USP1: variants seen among roughly 807,000 people sequenced by gnomAD.
USP1 encodes the protein ubiquitin carboxyl-terminal hydrolase 1.
In USP1, 18 loss-of-function variants were observed where a neutral mutation model predicts 72.2. That is an observed-to-expected ratio of 0.25 (90% CI 0.17 to 0.37). The LOEUF is 0.37. Among genes scored for constraint, USP1 ranks in the 10% least tolerant of loss-of-function variants. The probability of loss-of-function intolerance (pLI) is 1.00; values close to 1 mark genes in which losing one functional copy is unlikely to be tolerated. For synonymous variants in USP1, 354 were observed against 303.7 expected (o/e 1.17, Z -1.72); for missense variants, 759 against 884.9 (o/e 0.86, Z 1.81).
At chr1:62,446,813 TA>T (rs1352936720) in intron 6 of USP1, among the ~76,000 whole-genome samples, 3 of 152,102 alleles carry the variant, frequency 2.0e-5, no homozygotes, top group African/African-American at 7.2e-5. Context: ...TTTTATTTTT[TA>T]TTTTTTTTAT....
intron 2 of USP1, 40 bp from the exon 3 acceptor site, chr1:62,441,448 T>C (rs777007514): frequency 3.1e-5 from 48 of 1,524,928 alleles, no homozygotes; most frequent in Admixed American, 2.3e-4. Flanking sequence ...CTTGTTTCTT[T>C]AAGATAACTA....
intron 6 of USP1, among the ~76,000 whole-genome samples, chr1:62,446,403 G>A (rs916261949): frequency 2.6e-5 from 4 of 151,926 alleles, no homozygotes; most frequent in African/African-American, 7.3e-5. Flanking sequence ...AATTTGTTAC[G>A]GGCTACAGGC....
At chr1:62,442,077 C>A in intron 3 of USP1, 118 bp from the exon 4 acceptor site, 1 of 683,394 alleles carries the variant, frequency 1.5e-6, no homozygotes, top group South Asian at 2.2e-5. Context: ...AAAACTTAAT[C>A]TCAGAATTTT....
At position 62,437,312 on chromosome 1, in the gene USP1, G is replaced by C. The variant is rs914106739; in HGVS notation, c.-158G>C. On this transcript the variant is annotated 5_prime_UTR_variant, in exon 1 of 9. Transcript: ENST00000339950. ...CTGGGGCCGGGGACCCGGCGGGCTC[G>C]GGGCAGGGACTCACCTGTCGCACCC... 2.5e-6 allele frequency: 1 copy of C among 396,538 alleles called. No individual in the cohort carries two copies. Among genetic ancestry groups the C allele is most frequent in the African/African-American group, 2.1e-5 (1 of 48,600 alleles). The allele number at this position is 396,538 out of a possible 1,614,324, so 24.6% of individuals were successfully genotyped here. A position where few individuals can be genotyped will look rare whatever the true frequency, so the allele number is the denominator to read the frequency against.
Position 62,451,103 on chromosome 1 carries a change from GT to G in USP1, c.*127del. On this transcript the variant is annotated 3_prime_UTR_variant, in exon 9 of 9. Transcript: ENST00000339950. ...TACTGGATATTATTGGTCTCTCTAG[GT>G]TTTTATATAAATAGTGAAATTTGAA... is the stretch of plus-strand genomic sequence containing the variant. 2 of 1,002,622 alleles carry G rather than the reference GT, an allele frequency of 2.0e-6. No homozygotes were observed. The highest frequency in any genetic ancestry group is 1.4e-6 in the Non-Finnish European group (1 of 733,066). The allele number at this position is 1,002,622 out of a possible 1,614,324, so 62.1% of individuals were successfully genotyped here. A position where few individuals can be genotyped will look rare whatever the true frequency, so the allele number is the denominator to read the frequency against.
chr1:62,448,332 G>A, intron 7 of USP1, 133 bp from the exon 8 acceptor site: 1 of 860,904 alleles, frequency 1.2e-6, no homozygotes, highest in Non-Finnish European at 1.8e-6. Context: ...GTTTCTGAAA[G>A]TAAAAATCTC....
intron 6 of USP1, 46 bp from the exon 7 acceptor site, chr1:62,447,295 G>A (rs745468919): frequency 1.6e-5 from 25 of 1,536,976 alleles, no homozygotes; most frequent in Non-Finnish European, 2.2e-5. Context: ...GGACTATAAT[G>A]AGAAACTAAT....
Position 62,448,356 on chromosome 1 carries a change from G to T in USP1, c.1421-109G>T. 4 of 1,030,562 alleles carry T rather than the reference G, an allele frequency of 3.9e-6. No individual in the cohort carries two copies. In the Admixed American group the frequency reaches 1.0e-4, roughly 27 times the overall value. 63.8% of individuals were successfully genotyped at this position (1,030,562 alleles called of 1,614,324 possible). A position where few individuals can be genotyped will look rare whatever the true frequency, so the allele number is the denominator to read the frequency against. On this transcript the variant is annotated intron_variant, in intron 7 of 8. Transcript: ENST00000339950. Reference sequence around the variant, plus strand: ...AGTAAAAATCTCTTTAGTTATTTAGGAATGGGTCGGTCAATTGAAATTAAA... The same window carrying T: ...AGTAAAAATCTCTTTAGTTATTTAGTAATGGGTCGGTCAATTGAAATTAAA...
chr1:62,448,223 A>G (rs1170874135), intron 7 of USP1, among the ~76,000 whole-genome samples: 1 of 152,264 alleles, frequency 6.6e-6, no homozygotes, highest in African/African-American at 2.4e-5. Context: ...AAATGTAAAC[A>G]GACTAGGCTT....
chr1:62,450,982 AGT>A lies in USP1; in HGVS notation c.*3_*4del, dbSNP rs777856635. ...CTTGCTATTTTATAAGAAATTATAGAGTGAGTGTATTTTCCTTGTGTATATAT... is the reference window on the plus strand; with the variant it reads ...CTTGCTATTTTATAAGAAATTATAGAGAGTGTATTTTCCTTGTGTATATAT... On this transcript the variant is annotated 3_prime_UTR_variant, in exon 9 of 9. Transcript: ENST00000339950. The A allele has an allele frequency of 4.7e-5, 74 of 1,576,486 alleles. No homozygotes were observed. The highest frequency in any genetic ancestry group is 6.2e-5 in the Non-Finnish European group (72 of 1,168,332).
chr1:62,441,708 G>C (rs1645135648), intron 3 of USP1, 100 bp downstream of exon 3: 2 of 1,337,916 alleles, frequency 1.5e-6, no homozygotes, highest in Non-Finnish European at 2.0e-6. Context: ...TGTCCATACT[G>C]TCTTTGCCTT....
intron 8 of USP1, among the ~76,000 whole-genome samples, chr1:62,449,796 C>T (rs1420270463): frequency 1.3e-5 from 2 of 151,538 alleles, no homozygotes; most frequent in Non-Finnish European, 2.9e-5. Flanking sequence ...CTTGTGGTCC[C>T]AACTACTCAG....
At chr1:62,447,968 A>T (rs1645187430) in intron 7 of USP1, among the ~76,000 whole-genome samples, 1 of 151,998 alleles carries the variant, frequency 6.6e-6, no homozygotes, top group African/African-American at 2.4e-5. Context: ...TTGTATTTTT[A>T]GTAGAGACGG....
intron 5 of USP1, among the ~76,000 whole-genome samples, chr1:62,443,682 G>A (rs963180713): frequency 6.6e-6 from 1 of 152,086 alleles, no homozygotes; most frequent in African/African-American, 2.4e-5. Flanking sequence ...GAAAATGTCT[G>A]AATTTCTAAA....
intron 8 of USP1, 55 bp from the exon 9 acceptor site, chr1:62,450,191 C>T: frequency 5.2e-6 from 8 of 1,547,130 alleles, no homozygotes; most frequent in Non-Finnish European, 6.1e-6. Context: ...TGGGGTATAA[C>T]ATTTTGAATT....
intron 4 of USP1, among the ~76,000 whole-genome samples, chr1:62,442,894 T>C (rs1239436485): frequency 2.0e-5 from 3 of 151,848 alleles, no homozygotes; most frequent in Non-Finnish European, 2.9e-5. Context: ...TTCCAGCTAA[T>C]TGGGAGGCTG....
Position 62,450,558 on chromosome 1 carries a change from A to C in USP1, c.1935A>C (p.Ser645=). The change falls in exon 9 of 9, where the codon TCA becomes TCC. Residue 645 remains serine (S), a synonymous_variant. Coordinates refer to ENST00000339950, the MANE Select transcript of USP1 (RefSeq NM_003368.5). The part of the protein sequence containing the change: ...VVENYNDEEV[S]IRVGGNTQPS... ...AGAATTATAATGATGAAGAAGTGTCAATTAGAGTTGGTGGAAATACACAGC... is the reference window on the plus strand; with the variant it reads ...AGAATTATAATGATGAAGAAGTGTCCATTAGAGTTGGTGGAAATACACAGC... The C allele has an allele frequency of 3.1e-6, 5 of 1,613,996 alleles. No individual in the cohort carries two copies. Among genetic ancestry groups the C allele is most frequent in the Non-Finnish European group, 3.4e-6 (4 of 1,180,020 alleles).
chr1:62,437,517 C>T, intron 1 of USP1, 117 bp downstream of exon 1: 1 of 220,906 alleles, frequency 4.5e-6, no homozygotes, highest in East Asian at 8.5e-5. Flanking sequence ...CCCTGGTCGA[C>T]CTGCCAGGGG....
chr1:62,443,162 A>G lies in USP1; in HGVS notation c.400A>G (p.Asn134Asp). The G allele has an allele frequency of 6.2e-7, 1 of 1,607,186 alleles. No homozygotes were observed. Among genetic ancestry groups the G allele is most frequent in the Non-Finnish European group, 8.5e-7 (1 of 1,178,002 alleles). ...TTGTGTGTTTCTTTCTTGACAGGGAAATTGCAAAGAAGATTCTTTGGCAAG... is the reference window on the plus strand; with the variant it reads ...TTGTGTGTTTCTTTCTTGACAGGGAGATTGCAAAGAAGATTCTTTGGCAAG... ...KDEANQKDKGNCKEDSLASYE... is the reference protein window; with the variant it reads ...KDEANQKDKGDCKEDSLASYE... Residue 134 changes from asparagine to aspartate, a missense_variant, in exon 5 of 9, where the codon AAT (asparagine) becomes GAT (aspartate). Asn to Asp is a conservative substitution (Grantham distance 23). Around this residue, in one of 9 missense-constraint regions of USP1, gnomAD observed 71 missense variants for 71.0 expected, o/e 1.00. Coordinates refer to ENST00000339950, the MANE Select transcript of USP1 (RefSeq NM_003368.5).
Sources: allele counts gnomAD v4.1 joint callset (sites outside exome capture counted in the v4.1 genomes callset), GRCh38; gene constraint gnomAD v4.1.1; regional missense constraint gnomAD v4.1.1; transcripts MANE v1.5; gene names NCBI Gene and HGNC (gene_info 2026-07-23, HGNC 2026-07-21).